The following EHBP1 variants were observed in gnomAD, a reference collection of about 807,000 sequenced individuals.
EHBP1 encodes the protein EH domain-binding protein 1.
EHBP1 carries 55 observed loss-of-function variants against 144.0 expected under a neutral mutation model. That is an observed-to-expected ratio of 0.38 (90% CI 0.31 to 0.48). EHBP1 has a LOEUF of 0.48. Ranked by LOEUF, EHBP1 falls within the 20% of genes least tolerant of loss-of-function variation. EHBP1 has a pLI of 0.98. For missense variants in EHBP1, 1,200 were observed against 1,364.2 expected (o/e 0.88, Z 1.90); for synonymous variants, 469 against 472.7 (o/e 0.99, Z 0.10).
chr2:62,911,668 G>A (rs1476848138), intron 10 of EHBP1, among the ~76,000 whole-genome samples: 1 of 152,068 alleles, frequency 6.6e-6, no homozygotes, highest in Non-Finnish European at 1.5e-5. Flanking sequence ...CTTCATGTTG[G>A]TCAGGCTGGT....
chr2:63,038,963 T>C, intron 21 of EHBP1, 147 bp downstream of exon 21: 1 of 636,872 alleles, frequency 1.6e-6, no homozygotes, highest in Admixed American at 2.7e-5. Context: ...CAGAAAGCAG[T>C]ATCCATATAA....
intron 10 of EHBP1, among the ~76,000 whole-genome samples, chr2:62,878,572 A>G (rs1157620134): frequency 6.6e-6 from 1 of 152,240 alleles, no homozygotes; most frequent in Non-Finnish European, 1.5e-5. Context: ...CTTTAACAAA[A>G]TACTAGAAAA....
At chr2:62,834,152 A>G (rs952496097) in intron 7 of EHBP1, among the ~76,000 whole-genome samples, 1 of 152,204 alleles carries the variant, frequency 6.6e-6, no homozygotes, top group Non-Finnish European at 1.5e-5. Flanking sequence ...CATGGAACCT[A>G]CTTCTGGTGA....
At chr2:62,785,684 T>A (rs1197546203) in intron 5 of EHBP1, among the ~76,000 whole-genome samples, 1 of 152,150 alleles carries the variant, frequency 6.6e-6, no homozygotes, top group Non-Finnish European at 1.5e-5. Flanking sequence ...CTTATTAAAA[T>A]ATATATTTTA....
chr2:62,820,655 C>T (rs2045876385), intron 5 of EHBP1, among the ~76,000 whole-genome samples: 1 of 145,814 alleles, frequency 6.9e-6, no homozygotes, highest in African/African-American at 2.5e-5. Flanking sequence ...CAAGGTTCAT[C>T]TATATTGTTG....
chr2:63,021,553 T>G (rs2060748870), intron 19 of EHBP1, among the ~76,000 whole-genome samples: 1 of 152,128 alleles, frequency 6.6e-6, no homozygotes, highest in Admixed American at 6.5e-5. Flanking sequence ...CAGGTAAGAG[T>G]CAACTTTGCA....
At chr2:62,805,939 A>G (rs563652387) in intron 5 of EHBP1, among the ~76,000 whole-genome samples, 155 of 151,842 alleles carry the variant, frequency 1.0e-3, no homozygotes, top group African/African-American at 6.0e-4. Context: ...GTGATCATTG[A>G]TATCATCGAA....
Position 62,765,386 on chromosome 2 carries a change from A to G in EHBP1, c.258+1025A>G, listed in dbSNP as rs139527387. The stretch of plus-strand genomic sequence containing the variant: ...TTAAGAGTTAATATATGTCATATGT[A>G]TATGGTGCTGTTAAATATTTATTAA... On this transcript the variant is annotated intron_variant, in intron 4 of 22. Coordinates refer to ENST00000431489, the MANE Select transcript of EHBP1 (RefSeq NM_001142616.3). Among the ~76,000 whole-genome samples, 15 of 152,272 alleles carry G rather than the reference A, an allele frequency of 9.9e-5. No individual in the cohort carries two copies. In the East Asian group the frequency reaches 2.7e-3, roughly 27 times the overall value.
chr2:63,019,901 A>G (rs1211046762), intron 19 of EHBP1, among the ~76,000 whole-genome samples: 1 of 149,816 alleles, frequency 6.7e-6, no homozygotes, highest in Non-Finnish European at 1.5e-5. Context: ...GGAAAAAAAA[A>G]TGCTGGGCTG....
intron 10 of EHBP1, among the ~76,000 whole-genome samples, chr2:62,875,540 G>A (rs2050824881): frequency 6.6e-6 from 1 of 152,184 alleles, no homozygotes; most frequent in Non-Finnish European, 1.5e-5. Context: ...CCACACAGAT[G>A]AGAAAAAGCC....
intron 10 of EHBP1, among the ~76,000 whole-genome samples, chr2:62,887,253 G>C (rs1031571395): frequency 2.0e-5 from 3 of 152,006 alleles, no homozygotes; most frequent in Non-Finnish European, 4.4e-5. Flanking sequence ...CATTTTTCTG[G>C]GCAGTTGTGT....
intron 5 of EHBP1, among the ~76,000 whole-genome samples, chr2:62,805,870 T>G (rs1402379246): frequency 2.6e-5 from 4 of 152,216 alleles, no homozygotes; most frequent in Non-Finnish European, 4.4e-5. Context: ...TCTTGTTTTT[T>G]GAATCACTCT....
At chr2:62,865,369 TAAG>T (rs1558819612) in intron 9 of EHBP1, among the ~76,000 whole-genome samples, 1 of 152,236 alleles carries the variant, frequency 6.6e-6, no homozygotes, top group South Asian at 2.1e-4. Context: ...ATTGATTTGA[TAAG>T]AAGACTTGTT....
chr2:62,871,006 A>G (rs2050438376), intron 9 of EHBP1, among the ~76,000 whole-genome samples: 1 of 152,112 alleles, frequency 6.6e-6, no homozygotes, highest in Non-Finnish European at 1.5e-5. Flanking sequence ...TCTAATTAAT[A>G]ACTATATGGG....
At chr2:63,005,384 G>A (rs567962889) in intron 19 of EHBP1, among the ~76,000 whole-genome samples, 5 of 152,176 alleles carry the variant, frequency 3.3e-5, no homozygotes, top group Middle Eastern at 3.4e-3. Flanking sequence ...TGTGGCTAGC[G>A]TGGATAGCAA....
chr2:62,785,118 T>G (rs1185289497), intron 5 of EHBP1, among the ~76,000 whole-genome samples: 1 of 152,094 alleles, frequency 6.6e-6, no homozygotes, highest in Non-Finnish European at 1.5e-5. Context: ...GAAACAAGTC[T>G]TACTCTTACA....
chr2:62,873,644 C>A (rs1291524783), intron 9 of EHBP1, among the ~76,000 whole-genome samples: 1 of 152,054 alleles, frequency 6.6e-6, no homozygotes, highest in Admixed American at 6.6e-5. Context: ...CAGAATAAAT[C>A]CACACCTAGA....
At chr2:62,997,060 A>AT (rs1553506998) in intron 19 of EHBP1, among the ~76,000 whole-genome samples, 3 of 152,114 alleles carry the variant, frequency 2.0e-5, no homozygotes, top group Non-Finnish European at 2.9e-5. Context: ...TTAAAAAAAA[A>AT]GTAAGATCTT....
intron 19 of EHBP1, among the ~76,000 whole-genome samples, chr2:62,998,527 A>G (rs1192194312): frequency 6.6e-6 from 1 of 152,160 alleles, no homozygotes; most frequent in East Asian, 1.9e-4. Context: ...TTACTATACA[A>G]GAAGACTTGT....
Sources: allele counts gnomAD v4.1 joint callset (sites outside exome capture counted in the v4.1 genomes callset), GRCh38; gene constraint gnomAD v4.1.1; transcripts MANE v1.5; gene names NCBI Gene and HGNC (gene_info 2026-07-23, HGNC 2026-07-21).